The following ATP10A variants were observed in gnomAD, a reference collection of about 807,000 sequenced individuals.
The protein encoded by ATP10A is phospholipid-transporting ATPase VA.
Under a neutral mutation model 147.8 loss-of-function variants are expected in ATP10A, and 111 were observed. The observed-to-expected ratio is 0.75, with a 90% CI of 0.64 to 0.88. The LOEUF is 0.88. ATP10A is among the 40% of genes least tolerant of loss of function. The probability of loss-of-function intolerance (pLI) is 0.00; values close to 1 mark genes in which losing one functional copy is unlikely to be tolerated. For synonymous variants in ATP10A, 875 were observed against 841.6 expected, an observed-to-expected ratio of 1.04 and a Z score of -0.69; for missense variants, 1,927 against 1,959.0, an observed-to-expected ratio of 0.98 and a Z score of 0.31.
intron 16 of ATP10A, among the ~76,000 whole-genome samples, chr15:25,684,795 C>T (rs936140269): frequency 6.6e-6 from 1 of 152,160 alleles, no homozygotes; most frequent in African/African-American, 2.4e-5. Context: ...TCAGTCACTT[C>T]ACCTCCCTGA....
At chr15:25,741,496 G>A (rs1036671239) in intron 2 of ATP10A, among the ~76,000 whole-genome samples, 1 of 152,138 alleles carries the variant, frequency 6.6e-6, no homozygotes, top group East Asian at 1.9e-4. Context: ...CTTACTTATT[G>A]ATCATGGGTA....
chr15:25,718,491 T>TGCCCTGCCGGAAGCC, intron 7 of ATP10A, 92 bp from the exon 8 acceptor site: 1 of 1,324,836 alleles, frequency 7.5e-7, no homozygotes, highest in Non-Finnish European at 1.0e-6. Context: ...TCCGCGAGGC[T>TGCCCTGCCGGAAGCC]TCCGGCAGGG....
chr15:25,803,403 G>A (rs74330948), intron 1 of ATP10A, among the ~76,000 whole-genome samples: 1,662 of 152,348 alleles, frequency 0.011, 25 homozygotes, highest in Middle Eastern at 0.041. Context: ...TGTCCCCTGG[G>A]TGCTGGGACA....
chr15:25,767,023 C>T (rs1443284440), intron 2 of ATP10A, among the ~76,000 whole-genome samples: 1 of 152,030 alleles, frequency 6.6e-6, no homozygotes, highest in African/African-American at 2.4e-5. Context: ...TCAGCAATTT[C>T]TTTGAAGAGG....
In ATP10A at chr15:25,724,650, C is replaced by T. The variant is rs140205436; in HGVS notation, c.980-629G>A. Among the ~76,000 whole-genome samples, 1,291 of 152,266 alleles carry T rather than the reference C, an allele frequency of 8.5e-3. 15 individuals carry two copies. Among genetic ancestry groups the T allele is most frequent in the Non-Finnish European group, 0.011 (769 of 68,002 alleles). On this transcript the variant is annotated intron_variant, in intron 5 of 20. Coordinates refer to ENST00000555815, the MANE Select transcript of ATP10A (RefSeq NM_024490.4). Reference sequence around the variant, plus strand: ...TAGGATCCAAAGCCATTTTTTGTTTCTCTTTTCATGAAGTTCCCATTAGTA... The same window carrying T: ...TAGGATCCAAAGCCATTTTTTGTTTTTCTTTTCATGAAGTTCCCATTAGTA...
intron 1 of ATP10A, among the ~76,000 whole-genome samples, chr15:25,807,071 A>G (rs1205655890): frequency 6.6e-6 from 1 of 152,260 alleles, no homozygotes; most frequent in East Asian, 1.9e-4. Flanking sequence ...ACAGAGCACA[A>G]GCGCAAGGAG....
At chr15:25,702,159 T>C in intron 12 of ATP10A, 59 bp from the exon 13 acceptor site, 1 of 1,527,502 alleles carries the variant, frequency 6.5e-7, no homozygotes, top group Non-Finnish European at 8.9e-7. Context: ...CCAATCCTTC[T>C]GGGGTGCAAA....
chr15:25,833,241 C>G (rs1450230210), intron 1 of ATP10A, among the ~76,000 whole-genome samples: 1 of 152,098 alleles, frequency 6.6e-6, no homozygotes, highest in African/African-American at 2.4e-5. Context: ...CCTTGACCTC[C>G]CAAAGTGCTG....
At chr15:25,774,689 T>TA (rs1889520939) in intron 2 of ATP10A, among the ~76,000 whole-genome samples, 1 of 148,382 alleles carries the variant, frequency 6.7e-6, no homozygotes, top group African/African-American at 2.6e-5. Context: ...TCACCAGAAT[T>TA]TAAAAAAAAA....
At chr15:25,756,609 C>T (rs947150300) in intron 2 of ATP10A, among the ~76,000 whole-genome samples, 1 of 151,886 alleles carries the variant, frequency 6.6e-6, no homozygotes, top group Admixed American at 6.6e-5. Flanking sequence ...TACCACTGCA[C>T]TCCAGCCTGG....
chr15:25,846,132 G>A (rs187729092), intron 1 of ATP10A, among the ~76,000 whole-genome samples: 3 of 152,136 alleles, frequency 2.0e-5, no homozygotes, highest in East Asian at 1.9e-4. Flanking sequence ...AATGCAGAAC[G>A]GTTGTTGCCA....
rs141203643 is a variant in ATP10A at position 25,714,070 on chromosome 15, T to A, written c.1948A>T (p.Met650Leu). The change falls in exon 10 of 21, where the codon ATG becomes TTG. Residue 650 changes from methionine to leucine, a missense_variant. Physicochemically the swap from Met to Leu is conservative, Grantham distance 15 (BLOSUM62 2). Transcript: ENST00000555815. Reference sequence around the variant, plus strand: ...AGCCTCTCCTCCAGCCTGAGAAGCATGCCGTCGCTGGACGGGGTGGACGGG... The same window carrying A: ...AGCCTCTCCTCCAGCCTGAGAAGCAAGCCGTCGCTGGACGGGGTGGACGGG... ...SFPSTPSSDG[M>L]LLRLEERLGQ... is the part of the protein sequence containing the mutation. The A allele has an allele frequency of 3.8e-5, 61 of 1,612,976 alleles. No individual in the cohort carries two copies. The highest frequency in any genetic ancestry group is 5.0e-5 in the Non-Finnish European group (59 of 1,180,010).
At chr15:25,695,946 C>T (rs958065905) in intron 13 of ATP10A, among the ~76,000 whole-genome samples, 3 of 151,212 alleles carry the variant, frequency 2.0e-5, no homozygotes, top group African/African-American at 7.3e-5. Flanking sequence ...AAAAAAAAAG[C>T]ACAATTACGG....
At chr15:25,675,831 A>G (rs540788160), downstream of ATP10A, among the ~76,000 whole-genome samples, 973 of 152,220 alleles carry the variant, frequency 6.4e-3, 10 homozygotes, top group African/African-American at 0.022. Flanking sequence ...CTATAGTCCC[A>G]GCTACTTGGG....
At chr15:25,769,127 G>A (rs1889195814) in intron 2 of ATP10A, among the ~76,000 whole-genome samples, 1 of 152,122 alleles carries the variant, frequency 6.6e-6, no homozygotes, top group East Asian at 1.9e-4. Flanking sequence ...TCAGATTTTC[G>A]AAGTCTGCCC....
rs1434260611 is a variant in ATP10A, at chr15:25,680,444, G to A, written c.3679-136C>T. On this transcript the variant is annotated intron_variant, in intron 19 of 20. Coordinates refer to ENST00000555815, the MANE Select transcript of ATP10A (RefSeq NM_024490.4). ...TCAGACACACTGCGGTCTATGACGC[G>A]GGTAACCGGTGGGGCTCAATGAGGC... is the stretch of plus-strand genomic sequence containing the variant. The A allele has an allele frequency of 1.5e-5, 14 of 961,390 alleles. No individual in the cohort carries two copies. In the East Asian group the frequency reaches 1.8e-4, roughly 13 times the overall value. 59.6% of individuals were successfully genotyped at this position (961,390 alleles called of 1,614,324 possible).
chr15:25,702,055 G>A lies in ATP10A; in HGVS notation c.2621C>T (p.Thr874Ile). Residue 874 changes from threonine to isoleucine, a missense_variant, in exon 13 of 21, where the codon ACT becomes ATT. Physicochemically the swap from Thr to Ile is moderately conservative, Grantham distance 89 (BLOSUM62 -1). Transcript: ENST00000555815. ...EDRLQDGVPETISKLRQAGLQ... is the reference protein window; with the variant it reads ...EDRLQDGVPEIISKLRQAGLQ... ...GCCCGCTTGACGCAATTTAGAAATA[G>A]TTTCAGGGACTCCGTCCTGCAGGCG... is the stretch of plus-strand genomic sequence containing the variant. 1 of 1,614,148 alleles carries A rather than the reference G, an allele frequency of 6.2e-7. No homozygotes were observed. The highest frequency in any genetic ancestry group is 1.1e-5 in the South Asian group (1 of 91,070).
intron 2 of ATP10A, among the ~76,000 whole-genome samples, chr15:25,756,611 C>A (rs764305286): frequency 1.3e-5 from 2 of 151,540 alleles, no homozygotes; most frequent in African/African-American, 2.4e-5. Flanking sequence ...CCACTGCACT[C>A]CAGCCTGGGC....
chr15:25,782,974 A>G (rs566951163), intron 1 of ATP10A, among the ~76,000 whole-genome samples: 1 of 152,114 alleles, frequency 6.6e-6, no homozygotes, highest in East Asian at 1.9e-4. Context: ...GTTTCAGACC[A>G]GCCTAGACAA....
Sources: gnomAD v4.1 joint callset for allele counts (sites outside exome capture counted in the v4.1 genomes callset) on GRCh38, gnomAD v4.1.1 for gene constraint, MANE v1.5 for transcripts, NCBI Gene and HGNC (gene_info 2026-07-23, HGNC 2026-07-21) for gene names.